Variants in ZC3H18 observed in about 807,000 individuals in gnomAD.
ZC3H18 encodes the protein zinc finger CCCH domain-containing protein 18.
ZC3H18 carries 8 observed loss-of-function variants against 106.1 expected under a neutral mutation model. The ratio of observed to expected loss-of-function variants is 0.08; its 90% CI spans 0.04 to 0.14. The LOEUF is 0.14. ZC3H18 is among the 10% of genes least tolerant of loss of function. The pLI is 1.00. For missense variants in ZC3H18, 1,318 were observed against 1,278.4 expected, an observed-to-expected ratio of 1.03 and a Z score of -0.47; for synonymous variants, 635 against 522.1, an observed-to-expected ratio of 1.22 and a Z score of -2.95.
rs368363324 is a variant in ZC3H18, at chr16:88,600,333, C to T, written c.1088+385C>T. On this transcript the variant is annotated intron_variant, in intron 6 of 17. Coordinates refer to ENST00000301011, the MANE Select transcript of ZC3H18 (RefSeq NM_144604.4). ...TGGAGGTTGCCACAAGCCAGGAACA[C>T]AACAGCTGCGGCCTCTTCGCTGTCA... 8.5e-5 allele frequency among the ~76,000 whole-genome samples: 13 copies of T among 152,360 alleles called. No individual in the cohort carries two copies. In the South Asian group the frequency reaches 1.7e-3, roughly 19 times the overall value.
intron 3 of ZC3H18, among the ~76,000 whole-genome samples, chr16:88,590,594 G>A (rs1476546406): frequency 7.8e-5 from 8 of 103,062 alleles, no homozygotes; most frequent in Non-Finnish European, 1.1e-4. Flanking sequence ...ACAGTGTCTC[G>A]CTCTGTCACC....
chr16:88,622,366 G>A lies in ZC3H18; in HGVS notation c.1645G>A (p.Ala549Thr). ...GCGTCGGAAAACATCAGCCTCGTCA[G>A]CCTCTGCCTCTAATTCCTCCAGGTA... ...RRRRKTSASSASASNSSRSSS... is the reference protein window; with the variant it reads ...RRRRKTSASSTSASNSSRSSS... Residue 549 changes from alanine (A) to threonine (T), a missense_variant, in exon 9 of 18, where the codon GCC (alanine) becomes ACC (threonine). Coordinates refer to ENST00000301011, the MANE Select transcript of ZC3H18 (RefSeq NM_144604.4). The A allele has an allele frequency of 6.2e-7, 1 of 1,610,946 alleles. No homozygotes were observed. Among genetic ancestry groups the A allele is most frequent in the Non-Finnish European group, 8.5e-7 (1 of 1,178,322 alleles).
chr16:88,610,895 G>A (rs1170229527), intron 7 of ZC3H18, among the ~76,000 whole-genome samples: 1 of 152,254 alleles, frequency 6.6e-6, no homozygotes, highest in Admixed American at 6.5e-5. Context: ...ACCGGGCTGT[G>A]ACTGCAGAAT....
At chr16:88,598,475 C>G in intron 4 of ZC3H18, 145 bp from the exon 5 acceptor site, 1 of 1,460,694 alleles carries the variant, frequency 6.8e-7, no homozygotes. Context: ...CAGGCCTCGG[C>G]TTTCCGAGGA....
intron 6 of ZC3H18, among the ~76,000 whole-genome samples, chr16:88,604,165 A>C (rs1904894796): frequency 6.6e-6 from 1 of 152,124 alleles, no homozygotes; most frequent in Non-Finnish European, 1.5e-5. Flanking sequence ...CAGTCTGGAC[A>C]ACATGGCAAA....
At chr16:88,606,033 A>C (rs1285952172) in intron 6 of ZC3H18, among the ~76,000 whole-genome samples, 1 of 152,234 alleles carries the variant, frequency 6.6e-6, no homozygotes, top group Non-Finnish European at 1.5e-5. Flanking sequence ...TGGCTGGTTA[A>C]GTGGTGACTG....
chr16:88,579,387 C>G (rs915915670), intron 2 of ZC3H18, among the ~76,000 whole-genome samples: 6 of 152,100 alleles, frequency 3.9e-5, no homozygotes, highest in Admixed American at 2.0e-4. Context: ...AGGTCCTGCA[C>G]CCAGGGCTCT....
At chr16:88,589,500 C>A (rs1027467218) in intron 3 of ZC3H18, among the ~76,000 whole-genome samples, 8 of 152,260 alleles carry the variant, frequency 5.3e-5, no homozygotes, top group African/African-American at 1.9e-4. Flanking sequence ...AGCACTGGCT[C>A]ATGCCACAAT....
At chr16:88,612,276 C>T (rs747454364) in intron 8 of ZC3H18, among the ~76,000 whole-genome samples, 78 of 151,984 alleles carry the variant, frequency 5.1e-4, no homozygotes, top group Non-Finnish European at 2.6e-4. Context: ...AATTAATGGA[C>T]GCTGCAACAT....
chr16:88,625,071 C>T (rs1390234263), intron 12 of ZC3H18, 131 bp from the exon 13 acceptor site: 2 of 1,099,886 alleles, frequency 1.8e-6, no homozygotes, highest in African/African-American at 1.6e-5. Flanking sequence ...GAAGACAGGC[C>T]CAGGCCCTGT....
intron 3 of ZC3H18, among the ~76,000 whole-genome samples, chr16:88,596,651 G>GA (rs200182559): frequency 2.4e-3 from 354 of 149,860 alleles, no homozygotes; most frequent in African/African-American, 5.5e-3. Context: ...GACTCCATCT[G>GA]AAAAAAAAAG....
chr16:88,613,943 G>T lies in ZC3H18; in HGVS notation c.1475+2407G>T, dbSNP rs934842498. Among the ~76,000 whole-genome samples the T allele has an allele frequency of 3.3e-5, 5 of 152,220 alleles. No homozygotes were observed. In the East Asian group the frequency reaches 5.8e-4, roughly 18 times the overall value. On this transcript the variant is annotated intron_variant, in intron 8 of 17. Coordinates refer to ENST00000301011, the MANE Select transcript of ZC3H18 (RefSeq NM_144604.4). ...GAGACCCTGTCTCAAAAAAAGGGGG[G>T]GTGTCGATGAGAGCATGAACGTTGC...
chr16:88,620,950 C>T (rs1463156081), intron 8 of ZC3H18, among the ~76,000 whole-genome samples: 3 of 152,240 alleles, frequency 2.0e-5, no homozygotes, highest in Non-Finnish European at 2.9e-5. Flanking sequence ...ACTGCAATCT[C>T]TGCCTCCTGG....
At chr16:88,578,610 A>G (rs183578197) in intron 2 of ZC3H18, among the ~76,000 whole-genome samples, 1 of 151,960 alleles carries the variant, frequency 6.6e-6, no homozygotes, top group Admixed American at 6.5e-5. Flanking sequence ...GTCTGCCGAG[A>G]GTATCTCTCT....
chr16:88,627,560 C>T lies in ZC3H18; in HGVS notation c.2109-62C>T, dbSNP rs1459576279. On this transcript the variant is annotated intron_variant, in intron 13 of 17. Coordinates refer to ENST00000301011, the MANE Select transcript of ZC3H18 (RefSeq NM_144604.4). This position sits in a 1 kb window ranked among gnomAD's most constrained non-coding sequence, Gnocchi z 4.5. Reference sequence around the variant, plus strand: ...CTGCGTAAAAGTGGACCATGGAGCACCCCCTGCTGGCCCCTCCCTCCAGTC... The same window carrying T: ...CTGCGTAAAAGTGGACCATGGAGCATCCCCTGCTGGCCCCTCCCTCCAGTC... The T allele has an allele frequency of 9.7e-6, 15 of 1,542,434 alleles. No individual in the cohort carries two copies. Among genetic ancestry groups the T allele is most frequent in the Non-Finnish European group, 1.2e-5 (14 of 1,139,884 alleles).
At chr16:88,578,535 G>T (rs1597319678) in intron 2 of ZC3H18, among the ~76,000 whole-genome samples, 1 of 148,976 alleles carries the variant, frequency 6.7e-6, no homozygotes, top group Non-Finnish European at 1.5e-5. Flanking sequence ...GGTTTTTGTT[G>T]TTTTTTTTTT....
At chr16:88,595,070 G>C (rs1347697085) in intron 3 of ZC3H18, among the ~76,000 whole-genome samples, 1 of 152,218 alleles carries the variant, frequency 6.6e-6, no homozygotes, top group Non-Finnish European at 1.5e-5. Flanking sequence ...AGAATCACTT[G>C]AACCTGGGAG....
chr16:88,580,134 C>T (rs1597321264), intron 2 of ZC3H18, among the ~76,000 whole-genome samples: 1 of 151,630 alleles, frequency 6.6e-6, no homozygotes, highest in Non-Finnish European at 1.5e-5. Context: ...GCCTCTGCCT[C>T]TCTGTCGTGA....
intron 3 of ZC3H18, among the ~76,000 whole-genome samples, chr16:88,594,288 A>G (rs889268721): frequency 2.0e-5 from 3 of 152,166 alleles, no homozygotes; most frequent in Non-Finnish European, 4.4e-5. Flanking sequence ...ATATCTTGTT[A>G]TTGTTAAATA....
Sources: gnomAD v4.1 joint callset for allele counts (sites outside exome capture counted in the v4.1 genomes callset) on GRCh38, gnomAD v4.1.1 for gene constraint, Gnocchi (gnomAD v3.1) non-coding constraint, MANE v1.5 for transcripts, NCBI Gene and HGNC (gene_info 2026-07-23, HGNC 2026-07-21) for gene names.